CRY2: variants seen among roughly 807,000 people sequenced by gnomAD.
CRY2 encodes the protein cryptochrome circadian regulator 2, also known as cryptochrome-2.
In CRY2, 31 loss-of-function variants were observed where a neutral mutation model predicts 69.5. That is an observed-to-expected ratio of 0.45 (90% CI 0.34 to 0.60). The LOEUF is 0.60. Ranked by LOEUF, CRY2 falls within the 20% of genes least tolerant of loss-of-function variation. The pLI, the probability that CRY2 is intolerant of heterozygous loss-of-function variation, is 0.02. For synonymous variants in CRY2, 303 were observed against 312.2 expected, an observed-to-expected ratio of 0.97 and a Z score of 0.31; for missense variants, 606 against 797.8, an observed-to-expected ratio of 0.76 and a Z score of 2.90.
chr11:45,857,539 G>T (rs1590763331), intron 2 of CRY2, among the ~76,000 whole-genome samples: 2 of 152,104 alleles, frequency 1.3e-5, no homozygotes, highest in African/African-American at 4.8e-5. Flanking sequence ...TAGGTACTAG[G>T]CCCCATACTA....
At chr11:45,847,303 C>T (rs759095672), upstream of CRY2, 1 of 1,466,610 alleles carries the variant, frequency 6.8e-7, no homozygotes, top group Admixed American at 2.3e-5. Flanking sequence ...AGGGGGCGGG[C>T]CTGTTCCGGC....
rs202035047 is a variant in CRY2 at position 45,858,897 on chromosome 11, A to G, written c.467+24A>G. 3 of 1,608,502 alleles carry G rather than the reference A, an allele frequency of 1.9e-6. No individual in the cohort carries two copies. In the Admixed American group the frequency reaches 5.1e-5, roughly 27 times the overall value. On this transcript the variant is annotated intron_variant, in intron 3 of 11. Coordinates refer to ENST00000616080, the MANE Select transcript of CRY2 (RefSeq NM_021117.5). ...AGGTAAGAGATGGGGCCCAGGGATCAGGTTACCAATTGTGAGAGTTAGTAA... is the reference window on the plus strand; with the variant it reads ...AGGTAAGAGATGGGGCCCAGGGATCGGGTTACCAATTGTGAGAGTTAGTAA...
intron 4 of CRY2, 107 bp from the exon 5 acceptor site, chr11:45,861,953 G>A (rs1020434840): frequency 1.6e-5 from 15 of 942,350 alleles, no homozygotes; most frequent in African/African-American, 6.7e-5. Context: ...CAGTAGCACC[G>A]AGACACTGTG....
At chr11:45,861,859 G>A (rs574219091) in intron 4 of CRY2, 2 of 570,038 alleles carry the variant, frequency 3.5e-6, no homozygotes, top group African/African-American at 1.9e-5. Context: ...TGAGGGTGCA[G>A]GGGAAAGCAG....
intron 2 of CRY2, among the ~76,000 whole-genome samples, chr11:45,857,561 A>AATG (rs2086251427): frequency 6.6e-6 from 1 of 152,180 alleles, no homozygotes; most frequent in South Asian, 2.1e-4. Context: ...GTATAAGGGT[A>AATG]ATGATGATGA....
intron 4 of CRY2, chr11:45,861,859 G>T: frequency 1.8e-6 from 1 of 570,036 alleles, no homozygotes; most frequent in Admixed American, 3.2e-5. Flanking sequence ...TGAGGGTGCA[G>T]GGGAAAGCAG....
intron 11 of CRY2, among the ~76,000 whole-genome samples, chr11:45,872,928 C>CA (rs2086397949): frequency 6.6e-6 from 1 of 152,198 alleles, no homozygotes; most frequent in Non-Finnish European, 1.5e-5. Flanking sequence ...GAAGCCTGGA[C>CA]AGAGGGCTGT....
At position 45,849,617 on chromosome 11, in the gene CRY2, A is replaced by G. The variant is rs577056683; in HGVS notation, c.215+1912A>G. Among the ~76,000 whole-genome samples the G allele has an allele frequency of 1.4e-3, 185 of 132,326 alleles. 5 individuals carry two copies. The South Asian group carries it at 0.043, about 31-fold the overall frequency. 86.8% of individuals were successfully genotyped at this position (132,326 alleles called of 152,430 possible). A position where few individuals can be genotyped will look rare whatever the true frequency, so the allele number is the denominator to read the frequency against. On this transcript the variant is annotated intron_variant, in intron 1 of 11. Transcript: ENST00000616080. ...AAGATACCTGGGCCCCTTTCCCCCA[A>G]TTCTATTTTTTTTTTTTTTTGAGAC...
chr11:45,871,978 G>A, intron 10 of CRY2, 114 bp from the exon 11 acceptor site: 1 of 1,408,978 alleles, frequency 7.1e-7, no homozygotes, highest in Non-Finnish European at 9.7e-7. Flanking sequence ...GCAGCATGCT[G>A]GCATTCCATT....
chr11:45,870,603 T>C (rs995218320), intron 9 of CRY2, 71 bp downstream of exon 9: 113 of 1,550,738 alleles, frequency 7.3e-5, no homozygotes, highest in Non-Finnish European at 9.2e-5. Context: ...CAGATGGGGA[T>C]GTCCAGATAC....
chr11:45,849,578 A>G (rs924317827), intron 1 of CRY2, among the ~76,000 whole-genome samples: 5 of 151,988 alleles, frequency 3.3e-5, no homozygotes, highest in Non-Finnish European at 7.4e-5. Context: ...TTGGAATCCC[A>G]TAAGGGTCTT....
chr11:45,867,346 T>C, intron 5 of CRY2: 1 of 433,016 alleles, frequency 2.3e-6, no homozygotes, highest in East Asian at 3.5e-5. Flanking sequence ...AATTTTGTTC[T>C]TATTTAATAG....
chr11:45,878,920 TAAAAAAAAAAAAA>T (rs57461093), intron 11 of CRY2, among the ~76,000 whole-genome samples: 5 of 49,374 alleles, frequency 1.0e-4, no homozygotes, highest in Admixed American at 3.0e-4. Context: ...CTCCATCTAT[TAAAAAAAAAAAAA>T]AAAAAAAAAA....
Position 45,862,099 on chromosome 11 carries a change from G to T in CRY2, c.692G>T (p.Gly231Val). The T allele has an allele frequency of 6.2e-7, 1 of 1,614,022 alleles. No homozygotes were observed. The highest frequency in any genetic ancestry group is 8.5e-7 in the Non-Finnish European group (1 of 1,179,970). ...TEGLGPAVWQ[G>V]GETEALARLD... Reference sequence around the variant, plus strand: ...GGACTTGGTCCAGCTGTCTGGCAGGGAGGAGAGACAGAAGCTCTGGCCCGC... The same window carrying T: ...GGACTTGGTCCAGCTGTCTGGCAGGTAGGAGAGACAGAAGCTCTGGCCCGC... The change falls in exon 5 of 12, where the codon GGA becomes GTA. Residue 231 changes from glycine to valine, a missense_variant. By Grantham distance (109) the Gly-to-Val change is moderately radical. Transcript: ENST00000616080.
At chr11:45,852,816 G>C (rs1045084385) in intron 1 of CRY2, among the ~76,000 whole-genome samples, 42 of 152,342 alleles carry the variant, frequency 2.8e-4, no homozygotes, top group African/African-American at 1.0e-3. Context: ...TGAATCACCA[G>C]GGGATCTTGC....
At chr11:45,857,914 C>A (rs1387172345) in intron 2 of CRY2, among the ~76,000 whole-genome samples, 1 of 152,228 alleles carries the variant, frequency 6.6e-6, no homozygotes, top group Non-Finnish European at 1.5e-5. Flanking sequence ...AGGACCAGAC[C>A]AGCCTGTGCA....
chr11:45,860,860 G>A lies in CRY2; in HGVS notation c.480G>A (p.Leu160=). 1 of 1,614,100 alleles carries A rather than the reference G, an allele frequency of 6.2e-7. No homozygotes were observed. Among genetic ancestry groups the A allele is most frequent in the Non-Finnish European group, 8.5e-7 (1 of 1,179,994 alleles). Residue 160 remains leucine (L), a synonymous_variant, in exon 4 of 12, where the codon CTG becomes CTA. Transcript: ENST00000616080. ...TTGGGCTCCCCAGGATCATTGAGCT[G>A]AATGGGCAGAAGCCACCCCTTACAT... ...TLYDLDRIIE[L]NGQKPPLTYK... is the part of the protein sequence containing the mutation.
Position 45,857,214 on chromosome 11 carries a change from G to A in CRY2, c.324+1124G>A, listed in dbSNP as rs545410257. On this transcript the variant is annotated intron_variant, in intron 2 of 11. Coordinates refer to ENST00000616080, the MANE Select transcript of CRY2 (RefSeq NM_021117.5). ...CACATTCATTGAGGGCTGCCTATGA[G>A]TCAAGCGCTGTTCCCAGTGCTTGTT... is the stretch of plus-strand genomic sequence containing the variant. Among the ~76,000 whole-genome samples, 253 of 152,184 alleles carry A rather than the reference G, an allele frequency of 1.7e-3. 1 individual carries two copies. Among genetic ancestry groups the A allele is most frequent in the Non-Finnish European group, 2.3e-3 (154 of 68,040 alleles).
At chr11:45,870,277 T>C in intron 8 of CRY2, 53 bp from the exon 9 acceptor site, 1 of 1,612,868 alleles carries the variant, frequency 6.2e-7, no homozygotes, top group Non-Finnish European at 8.5e-7. Flanking sequence ...CCCTGGGCCT[T>C]TTGAAGGAGG....
Sources: allele counts gnomAD v4.1 joint callset (sites outside exome capture counted in the v4.1 genomes callset), GRCh38; gene constraint gnomAD v4.1.1; transcripts MANE v1.5; gene names NCBI Gene and HGNC (gene_info 2026-07-23, HGNC 2026-07-21).